SHISA9: variants seen among roughly 807,000 people sequenced by gnomAD.
The protein encoded by SHISA9 is shisa family member 9.
A neutral mutation model predicts 38.0 loss-of-function variants in SHISA9; 13 were observed. That is an observed-to-expected ratio of 0.34 (90% CI 0.22 to 0.54). The LOEUF (loss-of-function observed/expected upper bound fraction) is 0.54, where lower values mean the gene tolerates loss of function less well. SHISA9 is among the 20% of genes least tolerant of loss of function. SHISA9 has a pLI of 0.91. For synonymous variants in SHISA9, 275 were observed against 242.0 expected, an observed-to-expected ratio of 1.14 and a Z score of -1.27; for missense variants, 538 against 575.8, an observed-to-expected ratio of 0.93 and a Z score of 0.67.
chr16:13,326,161 T>G, the SHISA9 span, among the ~76,000 whole-genome samples: 1 of 151,394 alleles, frequency 6.6e-6, no homozygotes, highest in Admixed American at 6.6e-5. Context: ...GAGAGAAAAT[T>G]CTCTCTTACC....
the SHISA9 span, among the ~76,000 whole-genome samples, chr16:13,353,073 C>T: frequency 2.6e-5 from 4 of 151,892 alleles, no homozygotes; most frequent in Non-Finnish European, 5.9e-5. Flanking sequence ...GTTGGGGCGG[C>T]GAAAATTTTT....
intron 2 of SHISA9, among the ~76,000 whole-genome samples, chr16:13,016,110 C>T (rs1212353336): frequency 6.7e-6 from 1 of 150,352 alleles, no homozygotes; most frequent in Admixed American, 6.7e-5. Flanking sequence ...GCCTTAGTTT[C>T]CCAAGTAGCT....
chr16:13,317,221 C>T, the SHISA9 span, among the ~76,000 whole-genome samples: 19 of 152,204 alleles, frequency 1.2e-4, no homozygotes, highest in South Asian at 4.1e-4. Flanking sequence ...ACATGGGCAA[C>T]GCCAGGAGTC....
At chr16:13,208,975 A>C (rs55878502) in intron 3 of SHISA9, among the ~76,000 whole-genome samples, 1 of 152,056 alleles carries the variant, frequency 6.6e-6, no homozygotes. Flanking sequence ...AATATAGCAC[A>C]GCCTCTGGAA....
chr16:13,126,386 A>G (rs2050256339), intron 2 of SHISA9, among the ~76,000 whole-genome samples: 1 of 152,152 alleles, frequency 6.6e-6, no homozygotes, highest in South Asian at 2.1e-4. Context: ...AGGTCAGGCA[A>G]AGAATGGGCA....
chr16:13,446,033 C>T, the SHISA9 span, among the ~76,000 whole-genome samples: 1 of 152,132 alleles, frequency 6.6e-6, no homozygotes, highest in Non-Finnish European at 1.5e-5. Context: ...GCCTCCGACT[C>T]CCTGGTTCAA....
intron 1 of SHISA9, 78 bp from the exon 2 acceptor site, chr16:12,916,610 C>G (rs1222205804): frequency 6.8e-6 from 10 of 1,471,760 alleles, no homozygotes; most frequent in African/African-American, 2.8e-5. Flanking sequence ...CATTTGTTCG[C>G]GACTGCAGTA....
At chr16:13,091,260 T>C (rs942177946) in intron 2 of SHISA9, among the ~76,000 whole-genome samples, 2 of 152,216 alleles carry the variant, frequency 1.3e-5, no homozygotes, top group South Asian at 2.1e-4. Flanking sequence ...CCTTGGTGAA[T>C]CTGACAATTA....
the SHISA9 span, among the ~76,000 whole-genome samples, chr16:13,516,699 C>G: frequency 6.6e-6 from 1 of 151,856 alleles, no homozygotes; most frequent in African/African-American, 2.4e-5. Context: ...ACTCGGGAGG[C>G]TGAGGCAGGA....
At chr16:13,071,611 C>CTTCCTTCCA (rs1273330155) in intron 2 of SHISA9, among the ~76,000 whole-genome samples, 1 of 143,834 alleles carries the variant, frequency 7.0e-6, no homozygotes, top group African/African-American at 2.8e-5. Flanking sequence ...CCTTTCTTCC[C>CTTCCTTCCA]TTCCTTCCCT....
the SHISA9 span, among the ~76,000 whole-genome samples, chr16:13,467,043 A>G: frequency 2.8e-3 from 419 of 152,320 alleles, 3 homozygotes; most frequent in African/African-American, 9.9e-3. Context: ...GCTTAAAGAG[A>G]TGCATATGGC....
chr16:13,506,641 G>A, the SHISA9 span, among the ~76,000 whole-genome samples: 1 of 152,176 alleles, frequency 6.6e-6, no homozygotes, highest in Non-Finnish European at 1.5e-5. Flanking sequence ...AAACAAAGAG[G>A]ATGGAGCGCC....
chr16:13,037,057 A>ATG (rs1555456724), intron 2 of SHISA9, among the ~76,000 whole-genome samples: 1 of 70,476 alleles, frequency 1.4e-5, no homozygotes, highest in African/African-American at 5.6e-5. Flanking sequence ...GCAGGGAATG[A>ATG]TCACACACAC....
At chr16:13,438,601 T>C in the SHISA9 span, among the ~76,000 whole-genome samples, 3 of 152,210 alleles carry the variant, frequency 2.0e-5, no homozygotes, top group African/African-American at 4.8e-5. Flanking sequence ...GACATATCAT[T>C]GTTATTCGGT....
chr16:12,909,534 A>T lies in SHISA9; in HGVS notation c.563+6907A>T, dbSNP rs1184903503. On this transcript the variant is annotated intron_variant, in intron 1 of 4. Transcript: ENST00000558583. Reference sequence around the variant, plus strand: ...GTCATTGTAATTGGAAAGAAAAGAGATGCACCATTTTCTTCTTGTTCTTTG... The same window carrying T: ...GTCATTGTAATTGGAAAGAAAAGAGTTGCACCATTTTCTTCTTGTTCTTTG... 3.0e-6 allele frequency: 3 copies of T among 985,350 alleles called. No homozygotes were observed. The East Asian group carries it at 3.4e-4, about 112-fold the overall frequency. 61.0% of individuals were successfully genotyped at this position (985,350 alleles called of 1,614,324 possible). A position where few individuals can be genotyped will look rare whatever the true frequency, so the allele number is the denominator to read the frequency against.
At chr16:12,926,474 A>G (rs936170740) in intron 2 of SHISA9, among the ~76,000 whole-genome samples, 2 of 152,208 alleles carry the variant, frequency 1.3e-5, no homozygotes, top group Non-Finnish European at 1.5e-5. Context: ...AAATACTGCT[A>G]TGTGCCAGTC....
At chr16:13,442,962 G>A in the SHISA9 span, among the ~76,000 whole-genome samples, 3 of 152,136 alleles carry the variant, frequency 2.0e-5, no homozygotes, top group Admixed American at 6.5e-5. Flanking sequence ...AATAAAAATA[G>A]GTTGGCAGCT....
the SHISA9 span, among the ~76,000 whole-genome samples, chr16:13,371,946 A>C: frequency 6.6e-6 from 1 of 152,192 alleles, no homozygotes; most frequent in Non-Finnish European, 1.5e-5. Context: ...CCTAGGCAAC[A>C]CCCGTGCCAC....
chr16:13,552,550 G>A, the SHISA9 span, among the ~76,000 whole-genome samples: 2 of 151,886 alleles, frequency 1.3e-5, no homozygotes, highest in East Asian at 1.9e-4. Flanking sequence ...CAACCCTGGA[G>A]GTAAATGTAT....
Sources: allele counts gnomAD v4.1 joint callset (sites outside exome capture counted in the v4.1 genomes callset), GRCh38; gene constraint gnomAD v4.1.1; transcripts MANE v1.5; gene names NCBI Gene and HGNC (gene_info 2026-07-23, HGNC 2026-07-21).